Variants in SEMA3D observed in about 807,000 individuals in gnomAD.
SEMA3D encodes the protein semaphorin-3D.
A neutral mutation model predicts 100.1 loss-of-function variants in SEMA3D; 84 were observed. That is an observed-to-expected ratio of 0.84 (90% CI 0.70 to 1.01). SEMA3D has a LOEUF of 1.01. Ranked by LOEUF, SEMA3D falls within the 50% of genes least tolerant of loss-of-function variation. The probability of loss-of-function intolerance (pLI) is 0.00; values close to 1 mark genes in which losing one functional copy is unlikely to be tolerated. For synonymous variants in SEMA3D, 312 were observed against 320.7 expected (o/e 0.97, Z 0.29); for missense variants, 875 against 934.1 (o/e 0.94, Z 0.82).
chr7:85,122,070 C>A, intron 2 of SEMA3D, 139 bp from the exon 3 acceptor site: 5 of 502,866 alleles, frequency 9.9e-6, no homozygotes, highest in Non-Finnish European at 6.9e-6. Flanking sequence ...GGGAACATAG[C>A]ATACCAGGGC....
the SEMA3D span, among the ~76,000 whole-genome samples, chr7:85,234,248 C>T: frequency 2.2e-4 from 33 of 152,298 alleles, no homozygotes; most frequent in African/African-American, 7.7e-4. Context: ...TAATTTTTAT[C>T]TGTTATCTTT....
At chr7:85,240,787 C>T in the SEMA3D span, among the ~76,000 whole-genome samples, 2 of 152,138 alleles carry the variant, frequency 1.3e-5, no homozygotes, top group African/African-American at 4.8e-5. Context: ...TAATTTTGCT[C>T]ATAGCATCCC....
chr7:85,194,466 G>GC, the SEMA3D span, among the ~76,000 whole-genome samples: 1 of 150,096 alleles, frequency 6.7e-6, no homozygotes, highest in Non-Finnish European at 1.5e-5. Context: ...AATTTTATGT[G>GC]TTTTTTCCTT....
At chr7:85,186,102 G>C (rs1336447186) in intron 1 of SEMA3D, among the ~76,000 whole-genome samples, 1 of 152,086 alleles carries the variant, frequency 6.6e-6, no homozygotes, top group Non-Finnish European at 1.5e-5. Context: ...CTTCCAAAAC[G>C]CTACAACAAA....
chr7:85,099,574 T>A (rs1788681206), intron 3 of SEMA3D, among the ~76,000 whole-genome samples: 1 of 151,916 alleles, frequency 6.6e-6, no homozygotes, highest in Non-Finnish European at 1.5e-5. Flanking sequence ...GACTGTTGGG[T>A]CTTCTGTTTA....
chr7:85,248,450 T>C, the SEMA3D span, among the ~76,000 whole-genome samples: 1 of 152,172 alleles, frequency 6.6e-6, no homozygotes, highest in Admixed American at 6.5e-5. Context: ...TCTTACCATA[T>C]GATCCAGCAG....
At chr7:85,172,447 A>G (rs1209357389) in intron 1 of SEMA3D, among the ~76,000 whole-genome samples, 4 of 151,964 alleles carry the variant, frequency 2.6e-5, no homozygotes, top group Non-Finnish European at 5.9e-5. Flanking sequence ...TTTAAGTTCA[A>G]TTTCTGGAAA....
intron 1 of SEMA3D, among the ~76,000 whole-genome samples, chr7:85,179,460 G>A (rs1170688218): frequency 2.0e-5 from 3 of 152,118 alleles, no homozygotes; most frequent in Admixed American, 2.0e-4. Flanking sequence ...GAACTTTAAG[G>A]TTTAATGACT....
chr7:85,141,436 T>C (rs755311605), intron 2 of SEMA3D: 1 of 984,474 alleles, frequency 1.0e-6, no homozygotes, highest in Non-Finnish European at 1.2e-6. Flanking sequence ...TGCTAATATT[T>C]AAAAAAAAGA....
chr7:85,188,336 C>T (rs1360910423), upstream of SEMA3D, among the ~76,000 whole-genome samples: 1 of 152,150 alleles, frequency 6.6e-6, no homozygotes, highest in Non-Finnish European at 1.5e-5. Context: ...GGACTCACAA[C>T]CAATCAACCC....
chr7:85,059,657 GA>G (rs1486139249), intron 8 of SEMA3D, among the ~76,000 whole-genome samples: 1 of 152,092 alleles, frequency 6.6e-6, no homozygotes, highest in African/African-American at 2.4e-5. Flanking sequence ...CCGAAAAGCA[GA>G]ACAGTTAAAA....
intron 2 of SEMA3D, among the ~76,000 whole-genome samples, chr7:85,145,128 T>C (rs1790164902): frequency 6.6e-6 from 1 of 152,168 alleles, no homozygotes; most frequent in South Asian, 2.1e-4. Flanking sequence ...TCTGGAATGA[T>C]GCCATTCAAG....
chr7:85,168,427 TCAA>T (rs910880922), intron 1 of SEMA3D, among the ~76,000 whole-genome samples: 1 of 151,820 alleles, frequency 6.6e-6, no homozygotes, highest in African/African-American at 2.4e-5. Context: ...GATGTAAATG[TCAA>T]CAATTCTGGC....
chr7:85,194,064 C>A, the SEMA3D span, among the ~76,000 whole-genome samples: 3 of 152,170 alleles, frequency 2.0e-5, no homozygotes, highest in Non-Finnish European at 4.4e-5. Flanking sequence ...TACCATGCAA[C>A]CTTGCTATAA....
chr7:85,236,096 T>C, the SEMA3D span, among the ~76,000 whole-genome samples: 3 of 151,946 alleles, frequency 2.0e-5, no homozygotes, highest in African/African-American at 4.8e-5. Context: ...ATAAGGCAAT[T>C]ACACATTGAC....
At chr7:85,165,064 C>A (rs1790862821) in intron 1 of SEMA3D, among the ~76,000 whole-genome samples, 1 of 143,358 alleles carries the variant, frequency 7.0e-6, no homozygotes, top group Non-Finnish European at 1.5e-5. Flanking sequence ...TCTCATTGTT[C>A]AATTCCCACC....
At chr7:85,041,022 A>T (rs1198410288) in intron 10 of SEMA3D, 1 of 212,532 alleles carries the variant, frequency 4.7e-6, no homozygotes, top group Non-Finnish European at 9.2e-6. Flanking sequence ...GTGTAAAAAA[A>T]TTCTGTCCTA....
At chr7:85,208,516 A>G in the SEMA3D span, among the ~76,000 whole-genome samples, 1 of 151,772 alleles carries the variant, frequency 6.6e-6, no homozygotes, top group African/African-American at 2.4e-5. Context: ...ATGCTTGTGA[A>G]ATTTGGATTT....
the SEMA3D span, among the ~76,000 whole-genome samples, chr7:85,250,071 A>G: frequency 6.6e-6 from 1 of 152,166 alleles, no homozygotes; most frequent in Non-Finnish European, 1.5e-5. Context: ...ACAAGGGGTC[A>G]GGGAGTTCCC....
Sources: allele counts gnomAD v4.1 joint callset (sites outside exome capture counted in the v4.1 genomes callset), GRCh38; gene constraint gnomAD v4.1.1; transcripts MANE v1.5; gene names NCBI Gene and HGNC (gene_info 2026-07-23, HGNC 2026-07-21).